Variants in KIAA0825 observed in about 807,000 individuals in gnomAD.
KIAA0825 encodes uncharacterized protein KIAA0825.
A neutral mutation model predicts 147.6 loss-of-function variants in KIAA0825; 119 were observed. The ratio of observed to expected loss-of-function variants is 0.81; its 90% CI spans 0.69 to 0.94. The LOEUF (loss-of-function observed/expected upper bound fraction) is 0.94, where lower values mean the gene tolerates loss of function less well. Ranked by LOEUF, KIAA0825 falls within the 40% of genes least tolerant of loss-of-function variation. The probability of loss-of-function intolerance (pLI) is 0.00; values close to 1 mark genes in which losing one functional copy is unlikely to be tolerated. For synonymous variants in KIAA0825, 470 were observed against 518.1 expected (o/e 0.91, Z 1.26); for missense variants, 1,381 against 1,472.7 (o/e 0.94, Z 1.02).
intron 20 of KIAA0825, among the ~76,000 whole-genome samples, chr5:94,296,876 T>G (rs1359082077): frequency 7.2e-5 from 11 of 152,144 alleles, no homozygotes; most frequent in Non-Finnish European, 7.3e-5. Context: ...TTTAATATAT[T>G]AATAACATCC....
chr5:94,457,763 T>A (rs139973142), intron 12 of KIAA0825, among the ~76,000 whole-genome samples: 21 of 152,272 alleles, frequency 1.4e-4, no homozygotes, highest in African/African-American at 4.8e-4. Context: ...GTTAGCTGGG[T>A]TTTATGCTTC....
chr5:94,208,091 T>C (rs1283064177), intron 20 of KIAA0825, among the ~76,000 whole-genome samples: 1 of 152,224 alleles, frequency 6.6e-6, no homozygotes, highest in Non-Finnish European at 1.5e-5. Context: ...AGCAAATTAA[T>C]ACACTTTACA....
At chr5:94,509,287 T>C (rs1267793633) in intron 5 of KIAA0825, among the ~76,000 whole-genome samples, 1 of 152,200 alleles carries the variant, frequency 6.6e-6, no homozygotes, top group East Asian at 1.9e-4. Flanking sequence ...CCTAACAACC[T>C]GGCACATGAA....
At chr5:94,380,014 C>CTGTA (rs1748166686) in intron 20 of KIAA0825, among the ~76,000 whole-genome samples, 1 of 151,746 alleles carries the variant, frequency 6.6e-6, no homozygotes, top group African/African-American at 2.4e-5. Context: ...CCACCACGCC[C>CTGTA]GGCTAATTTC....
chr5:94,589,511 A>T (rs1033586273), intron 1 of KIAA0825, among the ~76,000 whole-genome samples: 1 of 152,236 alleles, frequency 6.6e-6, no homozygotes, highest in Non-Finnish European at 1.5e-5. Context: ...GGGCAAATGT[A>T]TAGCATTGAG....
intron 20 of KIAA0825, among the ~76,000 whole-genome samples, chr5:94,155,864 T>A (rs1483655025): frequency 1.3e-5 from 2 of 152,164 alleles, no homozygotes; most frequent in Non-Finnish European, 1.5e-5. Flanking sequence ...CAAAGCCACA[T>A]CACAAGGGAA....
At chr5:94,256,493 A>C (rs1318292591) in intron 20 of KIAA0825, among the ~76,000 whole-genome samples, 1 of 152,182 alleles carries the variant, frequency 6.6e-6, no homozygotes. Context: ...AATTAAAATC[A>C]TGTAATGCTT....
chr5:94,574,879 C>G (rs1780715637), intron 2 of KIAA0825, among the ~76,000 whole-genome samples: 1 of 152,126 alleles, frequency 6.6e-6, no homozygotes, highest in South Asian at 2.1e-4. Flanking sequence ...GTATGAGCTA[C>G]TATACCCGGC....
chr5:94,328,230 C>G (rs1005897119), intron 20 of KIAA0825, among the ~76,000 whole-genome samples: 4 of 152,010 alleles, frequency 2.6e-5, no homozygotes, highest in African/African-American at 9.7e-5. Flanking sequence ...AATTTATTAT[C>G]ATATATACAG....
intron 20 of KIAA0825, among the ~76,000 whole-genome samples, chr5:94,212,647 G>A (rs1772819962): frequency 6.6e-6 from 1 of 152,182 alleles, no homozygotes; most frequent in Admixed American, 6.5e-5. Context: ...TGGCCCAAGT[G>A]GATGCTGCAT....
At chr5:94,374,032 A>G (rs796556852) in intron 20 of KIAA0825, among the ~76,000 whole-genome samples, 2 of 152,262 alleles carry the variant, frequency 1.3e-5, no homozygotes, top group African/African-American at 4.8e-5. Context: ...ACTTTTTGCA[A>G]AAAAAATTAC....
intron 20 of KIAA0825, among the ~76,000 whole-genome samples, chr5:94,175,030 T>C (rs1198103970): frequency 6.6e-6 from 1 of 152,142 alleles, no homozygotes; most frequent in East Asian, 1.9e-4. Flanking sequence ...CTATGCCATG[T>C]TTCTAGCCCT....
chr5:94,206,367 AT>A (rs1772200367), intron 20 of KIAA0825, among the ~76,000 whole-genome samples: 1 of 152,004 alleles, frequency 6.6e-6, no homozygotes, highest in South Asian at 2.1e-4. Flanking sequence ...CTGGAGAACT[AT>A]TTTTTTGAAT....
intron 1 of KIAA0825, among the ~76,000 whole-genome samples, chr5:94,587,526 G>A (rs1783540065): frequency 6.6e-6 from 1 of 152,126 alleles, no homozygotes; most frequent in Non-Finnish European, 1.5e-5. Flanking sequence ...ACAAATCACT[G>A]CTCAACGAAA....
intron 20 of KIAA0825, among the ~76,000 whole-genome samples, chr5:94,328,128 T>G (rs978286719): frequency 6.6e-6 from 1 of 152,120 alleles, no homozygotes; most frequent in Admixed American, 6.6e-5. Context: ...GATAATAGAG[T>G]CACCTCTTCT....
chr5:94,543,969 G>C (rs1168531902), intron 2 of KIAA0825, among the ~76,000 whole-genome samples: 1 of 152,090 alleles, frequency 6.6e-6, no homozygotes, highest in Non-Finnish European at 1.5e-5. Flanking sequence ...CATAAAAATG[G>C]GCAACTAGCA....
At chr5:94,510,260 A>G (rs1766297753) in intron 5 of KIAA0825, among the ~76,000 whole-genome samples, 1 of 152,216 alleles carries the variant, frequency 6.6e-6, no homozygotes, top group Admixed American at 6.5e-5. Context: ...TCTAAGTATC[A>G]AAACTTCATA....
At position 94,465,143 on chromosome 5, in the gene KIAA0825, C is replaced by T. The variant is rs1247863215; in HGVS notation, c.1873-84G>A. The T allele has an allele frequency of 6.9e-6, 9 of 1,299,280 alleles. No individual in the cohort carries two copies. In the Admixed American group the frequency reaches 1.5e-4, roughly 21 times the overall value. 80.5% of individuals were successfully genotyped at this position (1,299,280 alleles called of 1,614,324 possible). ...TTCCTATGAACGTAATTAGTTCAGG[C>T]TGAAAGGAAATAGCTAAAGAGTTTG... On this transcript the variant is annotated intron_variant, in intron 10 of 20. Coordinates refer to ENST00000682413, the MANE Select transcript of KIAA0825 (RefSeq NM_001145678.3).
chr5:94,159,398 ATAAATT>A (rs1354750604), intron 20 of KIAA0825, among the ~76,000 whole-genome samples: 2 of 152,138 alleles, frequency 1.3e-5, no homozygotes, highest in African/African-American at 4.8e-5. Context: ...TGGATGAGCT[ATAAATT>A]TAAGTCCTTC....
Sources: gnomAD v4.1 joint callset for allele counts (sites outside exome capture counted in the v4.1 genomes callset) on GRCh38, gnomAD v4.1.1 for gene constraint, MANE v1.5 for transcripts, NCBI Gene and HGNC (gene_info 2026-07-23, HGNC 2026-07-21) for gene names.